The following NR6A1 variants were observed in gnomAD, a reference collection of about 807,000 sequenced individuals.
NR6A1 encodes retinoic acid receptor-related testis-associated receptor.
A neutral mutation model predicts 59.1 loss-of-function variants in NR6A1; 7 were observed. The observed-to-expected ratio is 0.12, with a 90% CI of 0.07 to 0.22. The LOEUF (loss-of-function observed/expected upper bound fraction) is 0.22. Ranked by LOEUF, NR6A1 falls within the 10% of genes least tolerant of loss-of-function variation. NR6A1 has a pLI of 1.00. For missense variants in NR6A1, 468 were observed against 611.6 expected, an observed-to-expected ratio of 0.77 and a Z score of 2.48; for synonymous variants, 243 against 236.1, an observed-to-expected ratio of 1.03 and a Z score of -0.27.
At chr9:124,742,291 G>A (rs181381714) in intron 1 of NR6A1, among the ~76,000 whole-genome samples, 21 of 152,164 alleles carry the variant, frequency 1.4e-4, no homozygotes, top group Admixed American at 1.1e-3. Flanking sequence ...GGCCGGGCAC[G>A]GTGGCTCACG....
At chr9:124,705,782 CTTT>C (rs11351242) in intron 2 of NR6A1, among the ~76,000 whole-genome samples, 2 of 145,694 alleles carry the variant, frequency 1.4e-5, no homozygotes, top group Admixed American at 6.8e-5. Flanking sequence ...TCAATCCCCC[CTTT>C]TTTTTTTTTT....
rs146075701 is a variant in NR6A1 at position 124,533,469 on chromosome 9, C to T, written c.1079+2409G>A. Among the ~76,000 whole-genome samples the T allele has an allele frequency of 8.5e-5, 13 of 152,258 alleles. No individual in the cohort carries two copies. The East Asian group carries it at 2.5e-3, about 29-fold the overall frequency. Reference sequence around the variant, plus strand: ...TTAGAAAACAAGTAGAGAGAGTCAGCAAGCTGACTCCTCCCTCCCCTAGCT... The same window carrying T: ...TTAGAAAACAAGTAGAGAGAGTCAGTAAGCTGACTCCTCCCTCCCCTAGCT... On this transcript the variant is annotated intron_variant, in intron 7 of 9. Coordinates refer to ENST00000487099, the MANE Select transcript of NR6A1 (RefSeq NM_033334.4).
intron 2 of NR6A1, among the ~76,000 whole-genome samples, chr9:124,617,315 C>A (rs1835924985): frequency 6.6e-6 from 1 of 152,202 alleles, no homozygotes; most frequent in African/African-American, 2.4e-5. Flanking sequence ...TCAATGGCTG[C>A]AATTGGTATA....
chr9:124,626,863 G>A (rs896220721), intron 2 of NR6A1, among the ~76,000 whole-genome samples: 4 of 152,282 alleles, frequency 2.6e-5, no homozygotes, highest in Admixed American at 2.6e-4. Context: ...GAACCCGGGA[G>A]GTGGAGTTTG....
At chr9:124,634,933 C>G (rs1265441838) in intron 2 of NR6A1, among the ~76,000 whole-genome samples, 1 of 152,144 alleles carries the variant, frequency 6.6e-6, no homozygotes, top group Admixed American at 6.6e-5. Context: ...GCATGACCTC[C>G]CCTGCTATCA....
intron 2 of NR6A1, among the ~76,000 whole-genome samples, chr9:124,626,686 A>T (rs1391746413): frequency 6.6e-6 from 1 of 152,180 alleles, no homozygotes; most frequent in Non-Finnish European, 1.5e-5. Flanking sequence ...CTGTAATCCC[A>T]GCACTTTGGG....
intron 2 of NR6A1, among the ~76,000 whole-genome samples, chr9:124,701,746 G>A (rs1005593949): frequency 6.6e-6 from 1 of 151,660 alleles, no homozygotes; most frequent in African/African-American, 2.4e-5. Context: ...CTTTTGAGTC[G>A]GAGTTTCGCT....
At chr9:124,751,586 G>A (rs1012573407) in intron 1 of NR6A1, among the ~76,000 whole-genome samples, 5 of 152,136 alleles carry the variant, frequency 3.3e-5, no homozygotes, top group Non-Finnish European at 7.3e-5. Flanking sequence ...TTATACCCAA[G>A]TATCAGAAAA....
chr9:124,686,222 G>A (rs1034286872), intron 2 of NR6A1, among the ~76,000 whole-genome samples: 1 of 152,146 alleles, frequency 6.6e-6, no homozygotes, highest in Non-Finnish European at 1.5e-5. Context: ...TAAGTCAGAG[G>A]AAGAAATAGT....
chr9:124,618,550 G>A (rs892288343), intron 2 of NR6A1, among the ~76,000 whole-genome samples: 1 of 152,118 alleles, frequency 6.6e-6, no homozygotes, highest in African/African-American at 2.4e-5. Flanking sequence ...TTAGGTTACA[G>A]GTCAAAGAAA....
At chr9:124,528,083 CCAAGA>C (rs1832990639) in intron 7 of NR6A1, among the ~76,000 whole-genome samples, 1 of 152,208 alleles carries the variant, frequency 6.6e-6, no homozygotes, top group South Asian at 2.1e-4. Flanking sequence ...CTGTGCCAAG[CCAAGA>C]AGGCCCTATC....
At chr9:124,635,523 C>G (rs926679586) in intron 2 of NR6A1, among the ~76,000 whole-genome samples, 11 of 152,198 alleles carry the variant, frequency 7.2e-5, no homozygotes, top group Non-Finnish European at 1.5e-4. Context: ...GTGGCCTCCC[C>G]ACCTATGCAG....
At chr9:124,600,957 A>G (rs1835427998) in intron 2 of NR6A1, among the ~76,000 whole-genome samples, 1 of 152,062 alleles carries the variant, frequency 6.6e-6, no homozygotes, top group African/African-American at 2.4e-5. Flanking sequence ...GGGGGAAAAA[A>G]AAAAAAAAGA....
chr9:124,576,016 G>T (rs947545056), intron 2 of NR6A1, among the ~76,000 whole-genome samples: 1 of 152,178 alleles, frequency 6.6e-6, no homozygotes, highest in Non-Finnish European at 1.5e-5. Flanking sequence ...ATTCTTGCAT[G>T]CCTGGGGCGT....
At chr9:124,606,454 TA>T (rs79821987) in intron 2 of NR6A1, among the ~76,000 whole-genome samples, 343 of 146,856 alleles carry the variant, frequency 2.3e-3, no homozygotes, top group African/African-American at 7.2e-3. Flanking sequence ...TCTGATGGAT[TA>T]AAAAAAAAAG....
Position 124,582,825 on chromosome 9 carries a change from T to C in NR6A1, c.143-28255A>G, listed in dbSNP as rs182713006. Among the ~76,000 whole-genome samples, 241 of 152,240 alleles carry C rather than the reference T, an allele frequency of 1.6e-3. 1 individual carries two copies. The highest frequency in any genetic ancestry group is 5.4e-3 in the African/African-American group (225 of 41,548). On this transcript the variant is annotated intron_variant, in intron 2 of 9. Transcript: ENST00000487099. Reference sequence around the variant, plus strand: ...ATTGTTTGAGCATAAGAGTTCAAGGTTGCAGTGAGCTGAGATTGCATACTG... The same window carrying C: ...ATTGTTTGAGCATAAGAGTTCAAGGCTGCAGTGAGCTGAGATTGCATACTG...
At chr9:124,540,729 A>C (rs1833417334) in intron 4 of NR6A1, among the ~76,000 whole-genome samples, 1 of 152,114 alleles carries the variant, frequency 6.6e-6, no homozygotes, top group African/African-American at 2.4e-5. Flanking sequence ...TAAGCTCAGA[A>C]GATTGAGGCT....
At chr9:124,749,169 G>A (rs1840426488) in intron 1 of NR6A1, among the ~76,000 whole-genome samples, 1 of 151,816 alleles carries the variant, frequency 6.6e-6, no homozygotes, top group African/African-American at 2.4e-5. Flanking sequence ...GGCCGAGGCA[G>A]GAGAATCACT....
At chr9:124,767,298 G>A (rs951652311) in intron 1 of NR6A1, among the ~76,000 whole-genome samples, 1 of 151,880 alleles carries the variant, frequency 6.6e-6, no homozygotes, top group Non-Finnish European at 1.5e-5. Flanking sequence ...ACACCTTTTT[G>A]CTACGGAAGT....
Sources: gnomAD v4.1 joint callset for allele counts (sites outside exome capture counted in the v4.1 genomes callset) on GRCh38, gnomAD v4.1.1 for gene constraint, MANE v1.5 for transcripts, NCBI Gene and HGNC (gene_info 2026-07-23, HGNC 2026-07-21) for gene names.